Variants in RAB38 observed in about 807,000 individuals in gnomAD.
RAB38 encodes the protein RAB38, member RAS oncogene family, also known as ras-related protein Rab-38.
RAB38 carries 15 observed loss-of-function variants against 18.4 expected under a neutral mutation model. The observed-to-expected ratio is 0.82, with a 90% confidence interval of 0.55 to 1.26. The LOEUF (loss-of-function observed/expected upper bound fraction) is 1.26. RAB38 is among the 50% of genes most tolerant of loss of function. RAB38 has a pLI of 0.00. For synonymous variants in RAB38, 101 were observed against 104.4 expected (o/e 0.97, Z 0.20); for missense variants, 294 against 267.4 (o/e 1.10, Z -0.69).
the RAB38 span, among the ~76,000 whole-genome samples, chr11:87,941,401 C>A: frequency 1.3e-5 from 2 of 151,238 alleles, no homozygotes; most frequent in Non-Finnish European, 2.9e-5. Context: ...GGAACATTTT[C>A]TTTTCTCCCC....
chr11:88,169,254 G>A (rs1943280617), intron 1 of RAB38, among the ~76,000 whole-genome samples: 1 of 152,188 alleles, frequency 6.6e-6, no homozygotes, highest in Non-Finnish European at 1.5e-5. Flanking sequence ...TCCACTGAAT[G>A]TGGACAAATG....
intron 2 of RAB38, among the ~76,000 whole-genome samples, chr11:88,127,164 G>A (rs1209194817): frequency 6.6e-6 from 1 of 152,198 alleles, no homozygotes; most frequent in Non-Finnish European, 1.5e-5. Flanking sequence ...GAAGATCGTG[G>A]AGTGTGCCTT....
At chr11:88,137,946 T>C (rs938479891) in intron 2 of RAB38, among the ~76,000 whole-genome samples, 2 of 152,202 alleles carry the variant, frequency 1.3e-5, no homozygotes, top group African/African-American at 4.8e-5. Flanking sequence ...TCTATACCCA[T>C]CTAGAGAGTT....
At chr11:88,118,575 T>C (rs1942588621) in intron 2 of RAB38, among the ~76,000 whole-genome samples, 2 of 152,206 alleles carry the variant, frequency 1.3e-5, no homozygotes, top group South Asian at 4.1e-4. Context: ...CATTTGCATT[T>C]ATTATAGGGA....
chr11:87,933,068 TCATCTTAGA>T, the RAB38 span, among the ~76,000 whole-genome samples: 1 of 152,006 alleles, frequency 6.6e-6, no homozygotes, highest in Non-Finnish European at 1.5e-5. Flanking sequence ...GTATGGAGGT[TCATCTTAGA>T]ACAAAGATGA....
At chr11:88,061,415 T>C in the RAB38 span, among the ~76,000 whole-genome samples, 1 of 152,158 alleles carries the variant, frequency 6.6e-6, no homozygotes, top group Non-Finnish European at 1.5e-5. Flanking sequence ...AGAATATTAA[T>C]CAAACAAATT....
chr11:87,976,419 T>C, the RAB38 span, among the ~76,000 whole-genome samples: 2 of 136,080 alleles, frequency 1.5e-5, no homozygotes, highest in African/African-American at 5.4e-5. Flanking sequence ...TTATATATAT[T>C]TATATATTAT....
the RAB38 span, among the ~76,000 whole-genome samples, chr11:88,008,968 G>A: frequency 2.6e-5 from 4 of 152,252 alleles, no homozygotes; most frequent in Admixed American, 1.3e-4. Context: ...CACTGTGCCC[G>A]GCGGAAATAA....
chr11:87,867,612 G>T, the RAB38 span, among the ~76,000 whole-genome samples: 126 of 151,776 alleles, frequency 8.3e-4, no homozygotes, highest in Admixed American at 5.6e-3. Flanking sequence ...AATAACAATT[G>T]GGAGATTTGG....
the RAB38 span, among the ~76,000 whole-genome samples, chr11:87,845,796 T>C: frequency 3.3e-4 from 50 of 152,132 alleles, no homozygotes; most frequent in Non-Finnish European, 5.4e-4. Flanking sequence ...TTAGAGAAAA[T>C]GACATATTAC....
At chr11:87,862,273 C>A in the RAB38 span, among the ~76,000 whole-genome samples, 1 of 151,902 alleles carries the variant, frequency 6.6e-6, no homozygotes, top group South Asian at 2.1e-4. Flanking sequence ...TGCCCATGAA[C>A]AATAGACTGG....
At chr11:88,036,467 T>C in the RAB38 span, among the ~76,000 whole-genome samples, 2 of 152,290 alleles carry the variant, frequency 1.3e-5, no homozygotes, top group South Asian at 4.1e-4. Flanking sequence ...TCCTATTCCA[T>C]ATTTACCCTT....
At chr11:88,114,266 G>A in intron 2 of RAB38, 126 bp from the exon 3 acceptor site, 1 of 970,554 alleles carries the variant, frequency 1.0e-6, no homozygotes, top group Non-Finnish European at 1.5e-6. Context: ...TCCCCCTCCT[G>A]TTTCCCTCAC....
chr11:87,872,527 A>T, the RAB38 span, among the ~76,000 whole-genome samples: 2 of 151,502 alleles, frequency 1.3e-5, no homozygotes. Flanking sequence ...ACAAATGTGT[A>T]GTGATATATA....
At chr11:87,852,806 C>T in the RAB38 span, among the ~76,000 whole-genome samples, 1 of 152,154 alleles carries the variant, frequency 6.6e-6, no homozygotes, top group African/African-American at 2.4e-5. Context: ...CCCTCTCCTT[C>T]TCCTGCCCTC....
the RAB38 span, among the ~76,000 whole-genome samples, chr11:88,054,564 G>A: frequency 6.6e-6 from 1 of 152,184 alleles, no homozygotes; most frequent in Non-Finnish European, 1.5e-5. Flanking sequence ...TCTACTGGAT[G>A]TGACATAATC....
At chr11:87,943,744 T>C in the RAB38 span, among the ~76,000 whole-genome samples, 1 of 152,078 alleles carries the variant, frequency 6.6e-6, no homozygotes. Flanking sequence ...ATGAAGGATG[T>C]GGCAGTTTTT....
the RAB38 span, among the ~76,000 whole-genome samples, chr11:87,809,374 C>G: frequency 6.6e-6 from 1 of 152,206 alleles, no homozygotes; most frequent in African/African-American, 2.4e-5. Flanking sequence ...AAAAGACTTT[C>G]AAATGTGATA....
the RAB38 span, among the ~76,000 whole-genome samples, chr11:87,934,809 G>T: frequency 6.6e-6 from 1 of 152,044 alleles, no homozygotes; most frequent in Non-Finnish European, 1.5e-5. Flanking sequence ...ATACATTAGG[G>T]AATAGAAAAG....
Sources: gnomAD v4.1 joint callset for allele counts (sites outside exome capture counted in the v4.1 genomes callset) on GRCh38, gnomAD v4.1.1 for gene constraint, MANE v1.5 for transcripts, NCBI Gene and HGNC (gene_info 2026-07-23, HGNC 2026-07-21) for gene names.